The following ZBTB37 variants were observed in gnomAD, a reference collection of about 807,000 sequenced individuals.
ZBTB37 encodes the protein zinc finger and BTB domain-containing protein 37.
A neutral mutation model predicts 37.7 loss-of-function variants in ZBTB37; 15 were observed. The observed-to-expected ratio is 0.40, with a 90% CI of 0.27 to 0.61. The LOEUF (loss-of-function observed/expected upper bound fraction) is 0.61. Ranked by LOEUF, ZBTB37 falls within the 20% of genes least tolerant of loss-of-function variation. The pLI is 0.44. For missense variants in ZBTB37, 514 were observed against 641.9 expected, an observed-to-expected ratio of 0.80 and a Z score of 2.15; for synonymous variants, 231 against 220.6, an observed-to-expected ratio of 1.05 and a Z score of -0.42.
chr1:173,874,402 G>A (rs901927334), intron 4 of ZBTB37, among the ~76,000 whole-genome samples: 5 of 150,776 alleles, frequency 3.3e-5, no homozygotes, highest in African/African-American at 1.2e-4. Flanking sequence ...AGTGCATGGA[G>A]TGCAGTGGTG....
intron 4 of ZBTB37, among the ~76,000 whole-genome samples, chr1:173,874,253 C>CT (rs1655769656): frequency 7.9e-6 from 1 of 125,878 alleles, no homozygotes; most frequent in Admixed American, 8.3e-5. Context: ...GAAACTCCGT[C>CT]TCAAAAAAAA....
Position 173,897,334 on chromosome 1 carries a change from T to C in ZBTB37, c.*11210T>C, listed in dbSNP as rs556139245. 9.2e-5 allele frequency: 14 copies of C among 152,380 alleles called. No individual in the cohort carries two copies. In the East Asian group the frequency reaches 2.7e-3, roughly 29 times the overall value. The allele number at this position is 152,380 out of a possible 1,614,324, so 9.4% of individuals were successfully genotyped here. ...GCTAAGAAAATTATTTCTTGCACTTTCTATTTGTAAAGATGTTATAACACA... is the reference window on the plus strand; with the variant it reads ...GCTAAGAAAATTATTTCTTGCACTTCCTATTTGTAAAGATGTTATAACACA... On this transcript the variant is annotated 3_prime_UTR_variant, in exon 4 of 4. Transcript: ENST00000367701.
exon 4 of ZBTB37, chr1:173,901,634 C>G (rs1657262638): frequency 1.3e-5 from 2 of 152,324 alleles, no homozygotes; most frequent in Admixed American, 6.5e-5. Flanking sequence ...CTCCTGGGCT[C>G]AAGCGATCCT....
chr1:173,869,472 C>T (rs1655351382), intron 2 of ZBTB37, among the ~76,000 whole-genome samples: 1 of 152,212 alleles, frequency 6.6e-6, no homozygotes, highest in Non-Finnish European at 1.5e-5. Flanking sequence ...AACTAAGTTT[C>T]AGGATGGAAG....
exon 4 of ZBTB37, chr1:173,899,098 TAAC>T (rs1657162054): frequency 1.3e-5 from 2 of 152,270 alleles, no homozygotes; most frequent in African/African-American, 4.8e-5. Flanking sequence ...TACTCACAAA[TAAC>T]AACTGATACA....
At chr1:173,899,909 C>T (rs1013839541) in exon 4 of ZBTB37, 6 of 152,196 alleles carry the variant, frequency 3.9e-5, no homozygotes, top group Non-Finnish European at 8.8e-5. Flanking sequence ...AGTTTCCTCT[C>T]TATACCAAAT....
chr1:173,870,182 G>A lies in ZBTB37; in HGVS notation c.-29-15G>A. 1 of 1,467,598 alleles carries A rather than the reference G, an allele frequency of 6.8e-7. No individual in the cohort carries two copies. The highest frequency in any genetic ancestry group is 9.2e-7 in the Non-Finnish European group (1 of 1,090,440). The allele number at this position is 1,467,598 out of a possible 1,614,324, so 90.9% of individuals were successfully genotyped here. On this transcript the variant is annotated splice_polypyrimidine_tract_variant and intron_variant, in intron 2 of 4. Transcript: ENST00000427304. ...AAATTATAATTATTAATGAGAATAT[G>A]GTTTCTTTTTTCAGCAGGGTTGAAT...
downstream of ZBTB37, chr1:173,889,104 A>G (rs1260691692): frequency 1.3e-5 from 2 of 152,252 alleles, no homozygotes; most frequent in Non-Finnish European, 2.9e-5. Context: ...TGAAAATTTA[A>G]GGCAGGCTAG....
chr1:173,877,199 C>T (rs1341354597), intron 4 of ZBTB37, among the ~76,000 whole-genome samples: 1 of 152,006 alleles, frequency 6.6e-6, no homozygotes, highest in African/African-American at 2.4e-5. Flanking sequence ...AGTAATGAGT[C>T]AGACGTTACA....
chr1:173,896,424 GGA>G (rs754184951), exon 4 of ZBTB37: 9 of 152,114 alleles, frequency 5.9e-5, no homozygotes, highest in Non-Finnish European at 1.2e-4. Flanking sequence ...GATGATCTAT[GGA>G]AATGTCTCTC....
intron 4 of ZBTB37, among the ~76,000 whole-genome samples, chr1:173,880,243 T>G (rs1426069100): frequency 1.3e-5 from 2 of 152,252 alleles, no homozygotes; most frequent in Admixed American, 6.5e-5. Context: ...CTAAGTTTAC[T>G]TAGTAGTTGC....
At position 173,886,049 on chromosome 1, in the gene ZBTB37, G is replaced by A. The variant is rs1656602071; in HGVS notation, c.1437G>A (p.Glu479=). 3.9e-6 allele frequency: 6 copies of A among 1,551,620 alleles called. No individual in the cohort carries two copies. In the South Asian group the frequency reaches 7.1e-5, roughly 18 times the overall value. ...CATCTCGAGGACAAGCTGAGGAAGAGTCACCTTCACAGGAAGAGACAGTTG... is the reference window on the plus strand; with the variant it reads ...CATCTCGAGGACAAGCTGAGGAAGAATCACCTTCACAGGAAGAGACAGTTG... The change falls in exon 5 of 5, where the codon GAG becomes GAA. Residue 479 remains glutamate (E), a synonymous_variant. Coordinates refer to ENST00000427304, the Ensembl canonical transcript of ZBTB37.
chr1:173,870,139 G>T, intron 2 of ZBTB37, 61 bp from the exon 3 acceptor site: 1 of 1,195,648 alleles, frequency 8.4e-7, no homozygotes, highest in Non-Finnish European at 1.1e-6. Context: ...TTTTGAAATG[G>T]AAACCATCCG....
exon 3 of ZBTB37, chr1:173,870,876 A>G (rs1173045608): frequency 1.9e-6 from 3 of 1,614,132 alleles, no homozygotes; most frequent in Non-Finnish European, 2.5e-6. Context: ...TCAACCGAGC[A>G]GGACAGTGGT....
chr1:173,896,717 TCA>T (rs1386537739), exon 4 of ZBTB37: 1 of 152,240 alleles, frequency 6.6e-6, no homozygotes, highest in Admixed American at 6.5e-5. Context: ...CTGCTTTTAG[TCA>T]CATCTTGAAG....
At chr1:173,874,752 G>A (rs1033449922) in intron 4 of ZBTB37, among the ~76,000 whole-genome samples, 3 of 152,088 alleles carry the variant, frequency 2.0e-5, no homozygotes, top group Non-Finnish European at 4.4e-5. Context: ...CTTCTACCCA[G>A]CTTTTTATTT....
exon 4 of ZBTB37, chr1:173,894,423 A>T (rs1284806186): frequency 6.6e-6 from 1 of 152,178 alleles, no homozygotes; most frequent in Non-Finnish European, 1.5e-5. Context: ...AGTGTCCAAG[A>T]TGATCGATCT....
At chr1:173,883,045 T>A (rs940913557) in intron 4 of ZBTB37, among the ~76,000 whole-genome samples, 2 of 152,242 alleles carry the variant, frequency 1.3e-5, no homozygotes, top group African/African-American at 4.8e-5. Flanking sequence ...TTAACTAACC[T>A]GCTCCAAGTC....
chr1:173,870,828 A>G (rs1035211716), exon 3 of ZBTB37: 9 of 1,614,232 alleles, frequency 5.6e-6, no homozygotes, highest in Non-Finnish European at 7.6e-6. Flanking sequence ...TCATTGAACC[A>G]AGTTCTGATG....
Sources: allele counts gnomAD v4.1 joint callset (sites outside exome capture counted in the v4.1 genomes callset), GRCh38; gene constraint gnomAD v4.1.1; transcripts MANE v1.5; gene names NCBI Gene and HGNC (gene_info 2026-07-23, HGNC 2026-07-21).